HMGCLL1: variants seen among roughly 807,000 people sequenced by gnomAD.
HMGCLL1 encodes 3-hydroxymethyl-3-methylglutaryl-CoA lyase, cytoplasmic.
In HMGCLL1, 36 loss-of-function variants were observed where a neutral mutation model predicts 39.1. That is an observed-to-expected ratio of 0.92 (90% CI 0.71 to 1.22). The LOEUF is 1.22. Ranked by LOEUF, HMGCLL1 falls within the 50% of genes most tolerant of loss-of-function variation. The probability of loss-of-function intolerance (pLI) is 0.00; values close to 1 mark genes in which losing one functional copy is unlikely to be tolerated. For synonymous variants in HMGCLL1, 149 were observed against 144.0 expected, an observed-to-expected ratio of 1.03 and a Z score of -0.25; for missense variants, 451 against 416.5, an observed-to-expected ratio of 1.08 and a Z score of -0.72.
At chr6:55,651,526 G>A in the HMGCLL1 span, among the ~76,000 whole-genome samples, 1 of 152,186 alleles carries the variant, frequency 6.6e-6, no homozygotes, top group East Asian at 1.9e-4. Context: ...AACTTTCCTT[G>A]CTAAGAGCTG....
At chr6:55,448,421 A>G (rs1449178558) in intron 7 of HMGCLL1, among the ~76,000 whole-genome samples, 1 of 151,516 alleles carries the variant, frequency 6.6e-6, no homozygotes, top group African/African-American at 2.4e-5. Context: ...AGAAAAGGAT[A>G]CTAACTATAG....
the HMGCLL1 span, among the ~76,000 whole-genome samples, chr6:55,591,669 C>G: frequency 7.1e-6 from 1 of 141,276 alleles, no homozygotes; most frequent in Non-Finnish European, 1.5e-5. Context: ...AAGTTTTACT[C>G]TACCACTTAA....
intron 7 of HMGCLL1, among the ~76,000 whole-genome samples, chr6:55,456,102 G>A (rs1764309464): frequency 6.6e-6 from 1 of 152,150 alleles, no homozygotes; most frequent in Non-Finnish European, 1.5e-5. Flanking sequence ...TAAGCTTCCA[G>A]ATGGCATACA....
At chr6:55,518,503 G>A (rs1767866142) in intron 3 of HMGCLL1, among the ~76,000 whole-genome samples, 1 of 152,140 alleles carries the variant, frequency 6.6e-6, no homozygotes, top group African/African-American at 2.4e-5. Context: ...AAGCTGGGTA[G>A]ACTGTGATTC....
intron 1 of HMGCLL1, among the ~76,000 whole-genome samples, chr6:55,555,892 C>T (rs779380280): frequency 1.3e-5 from 2 of 152,218 alleles, no homozygotes; most frequent in African/African-American, 4.8e-5. Context: ...CATGGTCTAA[C>T]GGAATACACA....
chr6:55,444,585 A>C (rs574695733), intron 7 of HMGCLL1, among the ~76,000 whole-genome samples: 1 of 152,150 alleles, frequency 6.6e-6, no homozygotes, highest in South Asian at 2.1e-4. Context: ...GTCATGACAC[A>C]ATTTTCTAAA....
chr6:55,645,611 A>T, the HMGCLL1 span, among the ~76,000 whole-genome samples: 1 of 151,892 alleles, frequency 6.6e-6, no homozygotes, highest in African/African-American at 2.4e-5. Flanking sequence ...ACAGGAAGGG[A>T]TATTGAACTT....
chr6:55,656,562 A>G, the HMGCLL1 span, among the ~76,000 whole-genome samples: 2 of 151,882 alleles, frequency 1.3e-5, no homozygotes, highest in African/African-American at 4.8e-5. Context: ...TGCCAGCCAG[A>G]TCCAGGAGAC....
chr6:55,537,004 T>C (rs1769073418), intron 3 of HMGCLL1, among the ~76,000 whole-genome samples: 2 of 152,186 alleles, frequency 1.3e-5, no homozygotes, highest in South Asian at 4.1e-4. Context: ...TCCTTAAAAG[T>C]AGAAATTATT....
the HMGCLL1 span, among the ~76,000 whole-genome samples, chr6:55,627,868 TTA>T: frequency 2.3e-5 from 2 of 87,402 alleles, no homozygotes; most frequent in African/African-American, 8.6e-5. Flanking sequence ...AAGTTAATAC[TTA>T]ATAAACTCCC....
Position 55,439,537 on chromosome 6 carries a change from G to A in HMGCLL1, c.818C>T (p.Ser273Phe). 4 of 1,612,836 alleles carry A rather than the reference G, an allele frequency of 2.5e-6. No homozygotes were observed. The highest frequency in any genetic ancestry group is 3.4e-6 in the Non-Finnish European group (4 of 1,179,148). ...GCAGCCACCTAATCCGGATACTGCGGAGTCCACCACATTAATTCCCATCTG... is the reference window on the plus strand; with the variant it reads ...GCAGCCACCTAATCCGGATACTGCGAAGTCCACCACATTAATTCCCATCTG... ...ALQMGINVVD[S>F]AVSGLGGCPY... Residue 273 changes from serine to phenylalanine, a missense_variant, in exon 8 of 9, where the codon TCC (serine) becomes TTC (phenylalanine). By Grantham distance (155) the Ser-to-Phe change is radical. Transcript: ENST00000274901.
the HMGCLL1 span, among the ~76,000 whole-genome samples, chr6:55,619,794 A>G: frequency 6.6e-6 from 1 of 152,058 alleles, no homozygotes; most frequent in East Asian, 1.9e-4. Context: ...GATCTTACTC[A>G]TTCTATTTAA....
At chr6:55,439,640 C>T (rs1763514642) in intron 7 of HMGCLL1, 81 bp from the exon 8 acceptor site, 1 of 1,494,586 alleles carries the variant, frequency 6.7e-7, no homozygotes, top group Admixed American at 1.9e-5. Flanking sequence ...CTATGGTAAA[C>T]TGCAAATAAG....
At chr6:55,676,153 C>G in the HMGCLL1 span, among the ~76,000 whole-genome samples, 2 of 152,064 alleles carry the variant, frequency 1.3e-5, no homozygotes, top group Non-Finnish European at 1.5e-5. Context: ...TACCAAACAC[C>G]ACTCATTTTC....
At chr6:55,524,381 T>C (rs1688544729) in intron 3 of HMGCLL1, among the ~76,000 whole-genome samples, 1 of 151,672 alleles carries the variant, frequency 6.6e-6, no homozygotes, top group South Asian at 2.1e-4. Flanking sequence ...TTTAAAATTT[T>C]AAAATTTCAT....
chr6:55,490,777 A>T (rs1459002310), intron 7 of HMGCLL1, among the ~76,000 whole-genome samples: 1 of 151,866 alleles, frequency 6.6e-6, no homozygotes, highest in African/African-American at 2.4e-5. Flanking sequence ...AGATTATATT[A>T]TCCCTAAAGA....
At chr6:55,489,710 T>C (rs1332633556) in intron 7 of HMGCLL1, among the ~76,000 whole-genome samples, 1 of 152,084 alleles carries the variant, frequency 6.6e-6, no homozygotes, top group African/African-American at 2.4e-5. Context: ...CAATTAGTGA[T>C]AAAAACAAAG....
At chr6:55,575,202 T>A (rs935730521) in intron 1 of HMGCLL1, among the ~76,000 whole-genome samples, 1 of 152,056 alleles carries the variant, frequency 6.6e-6, no homozygotes, top group African/African-American at 2.4e-5. Context: ...TAGCTTGAAT[T>A]ACAGAATGAG....
chr6:55,619,491 T>C, the HMGCLL1 span, among the ~76,000 whole-genome samples: 1 of 152,098 alleles, frequency 6.6e-6, no homozygotes, highest in Non-Finnish European at 1.5e-5. Context: ...TTAAAATTAG[T>C]CAATTATATT....
Sources: allele counts gnomAD v4.1 joint callset (sites outside exome capture counted in the v4.1 genomes callset), GRCh38; gene constraint gnomAD v4.1.1; transcripts MANE v1.5; gene names NCBI Gene and HGNC (gene_info 2026-07-23, HGNC 2026-07-21).